The following SNX30 variants were observed in gnomAD, a reference collection of about 807,000 sequenced individuals.
SNX30 encodes the protein sorting nexin family member 30.
In SNX30, 24 loss-of-function variants were observed where a neutral mutation model predicts 46.4. The ratio of observed to expected loss-of-function variants is 0.52; its 90% confidence interval spans 0.37 to 0.73. The LOEUF (loss-of-function observed/expected upper bound fraction) is 0.73, where lower values mean the gene tolerates loss of function less well. SNX30 is among the 30% of genes least tolerant of loss of function. The pLI is 0.00. For synonymous variants in SNX30, 189 were observed against 211.5 expected (o/e 0.89, Z 0.92); for missense variants, 533 against 555.7 (o/e 0.96, Z 0.41).
chr9:112,833,080 A>G (rs550633557), intron 4 of SNX30, among the ~76,000 whole-genome samples: 51 of 152,104 alleles, frequency 3.4e-4, no homozygotes, highest in African/African-American at 1.0e-3. Flanking sequence ...TATCCTAACA[A>G]TTTCTAAGTG....
chr9:112,880,683 G>A (rs945080307), intron 5 of SNX30, among the ~76,000 whole-genome samples: 3 of 152,168 alleles, frequency 2.0e-5, no homozygotes, highest in African/African-American at 4.8e-5. Flanking sequence ...CTGCTCTTTC[G>A]GAGTCTGTTA....
At chr9:112,833,885 G>A (rs1246769097) in intron 4 of SNX30, among the ~76,000 whole-genome samples, 1 of 152,194 alleles carries the variant, frequency 6.6e-6, no homozygotes, top group African/African-American at 2.4e-5. Context: ...ACTCTCTCAG[G>A]CAGCCTGACT....
chr9:112,759,609 G>A lies in SNX30; in HGVS notation c.156+8452G>A, dbSNP rs1468737309. 2.6e-5 allele frequency among the ~76,000 whole-genome samples: 4 copies of A among 152,016 alleles called. No homozygotes were observed. In the East Asian group the frequency reaches 7.7e-4, roughly 29 times the overall value. ...CTGGGCATGGTGGCGCACACCTGTA[G>A]TCCCAGCTACTTGGGAGGCTGAGGC... On this transcript the variant is annotated intron_variant, in intron 1 of 8. Transcript: ENST00000374232.
chr9:112,817,602 T>C (rs1201423778), intron 2 of SNX30, 103 bp from the exon 3 acceptor site: 8 of 684,218 alleles, frequency 1.2e-5, no homozygotes, highest in Admixed American at 6.8e-5. Flanking sequence ...GGAAGGAAAA[T>C]ATGATCTTGC....
intron 1 of SNX30, among the ~76,000 whole-genome samples, chr9:112,755,349 G>C (rs1839331378): frequency 6.6e-6 from 1 of 152,138 alleles, no homozygotes; most frequent in South Asian, 2.1e-4. Flanking sequence ...GGTGTGTCGG[G>C]GAGCAGCCTA....
In SNX30 at chr9:112,830,713, A is replaced by T. The variant is rs1457164133; in HGVS notation, c.460-12A>T. On this transcript the variant is annotated splice_polypyrimidine_tract_variant and intron_variant, in intron 3 of 8. Coordinates refer to ENST00000374232, the MANE Select transcript of SNX30 (RefSeq NM_001012994.2). ...ATCAATTACTCTGGTTTTTTTCTTC[A>T]TGTCTTCATAGCCTCTTCCCGAGAA... 4 of 1,598,236 alleles carry T rather than the reference A, an allele frequency of 2.5e-6. No homozygotes were observed. The highest frequency in any genetic ancestry group is 1.8e-5 in the Admixed American group (1 of 55,430).
chr9:112,822,741 G>A (rs1371711235), intron 3 of SNX30, among the ~76,000 whole-genome samples: 1 of 152,100 alleles, frequency 6.6e-6, no homozygotes, highest in African/African-American at 2.4e-5. Context: ...AAAATAAACA[G>A]TTCATAAGTT....
intron 7 of SNX30, among the ~76,000 whole-genome samples, chr9:112,851,236 A>AG (rs1841020513): frequency 6.6e-6 from 1 of 152,212 alleles, no homozygotes; most frequent in Non-Finnish European, 1.5e-5. Flanking sequence ...TGCAGAGAGA[A>AG]GGAAAGAATA....
At chr9:112,828,967 G>A (rs1022145205) in intron 3 of SNX30, among the ~76,000 whole-genome samples, 1 of 151,944 alleles carries the variant, frequency 6.6e-6, no homozygotes, top group Non-Finnish European at 1.5e-5. Flanking sequence ...TGTCTCTGTG[G>A]GTTTGCCTAT....
chr9:112,858,927 T>A (rs1189068016), intron 7 of SNX30, among the ~76,000 whole-genome samples: 4 of 152,148 alleles, frequency 2.6e-5, no homozygotes. Flanking sequence ...TAAACAAGAT[T>A]ATACTGTGGT....
At chr9:112,864,104 A>C in intron 7 of SNX30, 143 bp from the exon 8 acceptor site, 1 of 883,044 alleles carries the variant, frequency 1.1e-6, no homozygotes, top group Non-Finnish European at 1.7e-6. Context: ...TTTGCTTTCA[A>C]ATAAATGCCT....
chr9:112,773,540 T>C (rs935065852), intron 1 of SNX30, among the ~76,000 whole-genome samples: 3 of 152,126 alleles, frequency 2.0e-5, no homozygotes, highest in African/African-American at 7.2e-5. Flanking sequence ...TAGATACTGA[T>C]AGTAGGAATA....
At chr9:112,788,482 A>G (rs927215246) in intron 1 of SNX30, among the ~76,000 whole-genome samples, 1 of 152,132 alleles carries the variant, frequency 6.6e-6, no homozygotes, top group African/African-American at 2.4e-5. Flanking sequence ...GAAAAGAACT[A>G]TTGTTTATGA....
intron 4 of SNX30, among the ~76,000 whole-genome samples, chr9:112,831,128 C>T (rs1317212709): frequency 6.7e-6 from 1 of 149,190 alleles, no homozygotes; most frequent in Middle Eastern, 3.2e-3. Context: ...CAGAGTGAGA[C>T]CCTATCTCTT....
At chr9:112,768,647 C>CTTCTTCTTTTTT (rs1554748345) in intron 1 of SNX30, among the ~76,000 whole-genome samples, 8 of 64,366 alleles carry the variant, frequency 1.2e-4, no homozygotes, top group Non-Finnish European at 2.0e-4. Flanking sequence ...ATTCTTTCTT[C>CTTCTTCTTTTTT]TTTTTTTTTT....
At chr9:112,754,280 C>T (rs1839316804) in intron 1 of SNX30, among the ~76,000 whole-genome samples, 1 of 152,136 alleles carries the variant, frequency 6.6e-6, no homozygotes, top group Non-Finnish European at 1.5e-5. Context: ...GACTCTCCAC[C>T]AATTTCTCAA....
intron 1 of SNX30, among the ~76,000 whole-genome samples, chr9:112,781,229 TTGA>T (rs1189437349): frequency 1.3e-5 from 2 of 152,242 alleles, no homozygotes; most frequent in Non-Finnish European, 2.9e-5. Context: ...TTGTATGCTA[TTGA>T]TGATGAATGA....
In SNX30 at chr9:112,751,018, C is replaced by T; in HGVS notation, c.17C>T (p.Pro6Leu). 1.9e-5 allele frequency: 26 copies of T among 1,391,886 alleles called. 1 individual carries two copies. Among genetic ancestry groups the T allele is most frequent in the Non-Finnish European group, 2.3e-5 (25 of 1,070,712 alleles). The allele number at this position is 1,391,886 out of a possible 1,614,324, so 86.2% of individuals were successfully genotyped here. A position where few individuals can be genotyped will look rare whatever the true frequency, so the allele number is the denominator to read the frequency against. The change falls in exon 1 of 9, where the codon CCC becomes CTC. Residue 6 changes from proline to leucine, a missense_variant. Pro to Leu is a moderately conservative substitution (Grantham distance 98). Around this residue, in one of 3 missense-constraint regions of SNX30, gnomAD observed 191 missense variants for 160.3 expected, o/e 1.19. Transcript: ENST00000374232. ...GTGCGCGCCATGGCGGGCGGGCCCC[C>T]CAAGGCCCTGCCGTCCACGGGGCCC... The part of the protein sequence containing the change: MAGGP[P>L]KALPSTGPHS...
chr9:112,860,168 G>A (rs1292662043), intron 7 of SNX30, among the ~76,000 whole-genome samples: 2 of 151,928 alleles, frequency 1.3e-5, no homozygotes, highest in East Asian at 2.0e-4. Flanking sequence ...GGGTGGTCTC[G>A]ATCTCTTGAC....
Sources: allele counts gnomAD v4.1 joint callset (sites outside exome capture counted in the v4.1 genomes callset), GRCh38; gene constraint gnomAD v4.1.1; regional missense constraint gnomAD v4.1.1; transcripts MANE v1.5; gene names NCBI Gene and HGNC (gene_info 2026-07-23, HGNC 2026-07-21).